The following CD1E variants were observed in gnomAD, a reference collection of about 807,000 sequenced individuals.
CD1E encodes T-cell surface glycoprotein CD1e, membrane-associated.
CD1E carries 49 observed loss-of-function variants against 40.1 expected under a neutral mutation model. The observed-to-expected ratio is 1.22, with a 90% CI of 0.97 to 1.55. CD1E has a LOEUF of 1.55. Ranked by LOEUF, CD1E falls within the 40% of genes most tolerant of loss-of-function variation. The probability of loss-of-function intolerance (pLI) is 0.00; values close to 1 mark genes in which losing one functional copy is unlikely to be tolerated. For missense variants in CD1E, 492 were observed against 471.3 expected (o/e 1.04, Z -0.41); for synonymous variants, 189 against 178.3 (o/e 1.06, Z -0.48).
At chr1:158,354,858 G>T (rs1043736411) in intron 2 of CD1E, among the ~76,000 whole-genome samples, 185 bp downstream of exon 2, 8 of 151,962 alleles carry the variant, frequency 5.3e-5, no homozygotes, top group African/African-American at 1.7e-4. Flanking sequence ...ACACAAAAGG[G>T]CCTGCATGTA....
chr1:158,354,382 C>T lies in CD1E; in HGVS notation c.64C>T (p.Gln22Ter), dbSNP rs1165946802. The change falls in exon 2 of 6, where the codon CAG (glutamine) becomes TAG (stop). Residue 22 changes from glutamine (Q) to a stop codon, truncating the protein, a stop_gained. Transcript: ENST00000368167. LOFTEE classifies it high-confidence loss of function. ...CCPGENTAAPQALQSYHLAAE... is the reference protein window; with the variant it reads ...CCPGENTAAP ...GTCATTTCCCTCTCTCTCAGCTCCC[C>T]AGGCTCTACAATCCTATCATCTAGC... 1.3e-6 allele frequency: 2 copies of T among 1,597,894 alleles called. No homozygotes were observed. The highest frequency in any genetic ancestry group is 1.7e-5 in the Admixed American group (1 of 58,198).
At chr1:158,354,328 T>G (rs555236146) in intron 1 of CD1E, 49 bp from the exon 2 acceptor site, 197 of 1,519,636 alleles carry the variant, frequency 1.3e-4, no homozygotes, top group Non-Finnish European at 1.7e-4. Flanking sequence ...TGGCATCACT[T>G]TTCCCATCCC....
At chr1:158,354,294 A>G in intron 1 of CD1E, 83 bp from the exon 2 acceptor site, 1 of 1,317,954 alleles carries the variant, frequency 7.6e-7, no homozygotes, top group Non-Finnish European at 1.0e-6. Flanking sequence ...ACTGTCTCTC[A>G]TCTCTGGGTT....
chr1:158,354,726 C>T (rs1653402477), intron 2 of CD1E, 53 bp downstream of exon 2: 1 of 1,492,974 alleles, frequency 6.7e-7, no homozygotes, highest in Admixed American at 1.8e-5. Flanking sequence ...AACTATTTTC[C>T]AAAGTGGAAG....
At chr1:158,354,842 C>T (rs1396358154) in intron 2 of CD1E, among the ~76,000 whole-genome samples, 169 bp downstream of exon 2, 2 of 152,164 alleles carry the variant, frequency 1.3e-5, no homozygotes, top group Non-Finnish European at 2.9e-5. Flanking sequence ...CCACACTCCA[C>T]CATATACACA....
In CD1E at chr1:158,356,785, C is replaced by T; in HGVS notation, c.1056C>T (p.Ala352=). The T allele has an allele frequency of 6.2e-7, 1 of 1,613,840 alleles. No individual in the cohort carries two copies. The highest frequency in any genetic ancestry group is 2.2e-5 in the East Asian group (1 of 44,858). The part of the protein sequence containing the change: ...HTPSPVFLMG[A]NTQDTKNSRH... ...CCAGCCCTGTCTTTCTCATGGGAGC[C>T]AACACTCAGGACACCAAGAATTCAA... Residue 352 remains alanine, a synonymous_variant, in exon 6 of 6, where the codon GCC becomes GCT. Transcript: ENST00000368167.
Position 158,356,028 on chromosome 1 carries a change from C to A in CD1E, c.827C>A (p.Ala276Glu). 6.2e-7 allele frequency: 1 copy of A among 1,614,056 alleles called. No individual in the cohort carries two copies. The highest frequency in any genetic ancestry group is 8.5e-7 in the Non-Finnish European group (1 of 1,180,002). The change falls in exon 4 of 6, where the codon GCG becomes GAG. Residue 276 changes from alanine (A) to glutamate (E), a missense_variant. Transcript: ENST00000368167. ...TATCTCCGAGCAACCCTGGATGTGG[C>A]GGCTGGGGAGGCAGCTGGCCTGTCC... is the stretch of plus-strand genomic sequence containing the variant. ...TWYLRATLDV[A>E]AGEAAGLSCR...
chr1:158,354,353 A>G (rs761286018), intron 1 of CD1E, 24 bp from the exon 2 acceptor site: 7 of 1,562,452 alleles, frequency 4.5e-6, no homozygotes, highest in Admixed American at 1.9e-5. Context: ...CATTCTCTCT[A>G]CTTGTCATTT....
At chr1:158,356,163 G>A in intron 4 of CD1E, 58 bp downstream of exon 4, 1 of 1,585,916 alleles carries the variant, frequency 6.3e-7, no homozygotes, top group Non-Finnish European at 8.6e-7. Flanking sequence ...GGGCTTTTGA[G>A]TGTGGGGCTG....
At chr1:158,356,634 T>C (rs778186522) in intron 5 of CD1E, 43 bp downstream of exon 5, 1 of 1,589,682 alleles carries the variant, frequency 6.3e-7, no homozygotes, top group Non-Finnish European at 8.6e-7. Context: ...CTGTAATCAA[T>C]TCATTCCTTT....
At chr1:158,356,442 C>G in intron 4 of CD1E, 56 bp from the exon 5 acceptor site, 1 of 1,368,388 alleles carries the variant, frequency 7.3e-7, no homozygotes, top group Non-Finnish European at 1.0e-6. Flanking sequence ...TGGGAAATCT[C>G]AGCTTGGTGG....
chr1:158,356,440 C>A, intron 4 of CD1E, 58 bp from the exon 5 acceptor site: 1 of 1,357,138 alleles, frequency 7.4e-7, no homozygotes, highest in Non-Finnish European at 1.0e-6. Flanking sequence ...AATGGGAAAT[C>A]TCAGCTTGGT....
At chr1:158,354,755 C>T (rs1178791837) in intron 2 of CD1E, 82 bp downstream of exon 2, 4 of 1,240,510 alleles carry the variant, frequency 3.2e-6, no homozygotes, top group Middle Eastern at 2.0e-4. Flanking sequence ...TAGACTCTGA[C>T]CATCATTTAA....
At chr1:158,354,267 T>C (rs1653329874) in intron 1 of CD1E, 110 bp from the exon 2 acceptor site, 1 of 1,070,784 alleles carries the variant, frequency 9.3e-7, no homozygotes, top group African/African-American at 1.6e-5. Context: ...GGTATTGGAG[T>C]ATGTACAAGC....
rs1240644064 is a variant in CD1E, at chr1:158,356,305, G to T, written c.905-193G>T. On this transcript the variant is annotated intron_variant, in intron 4 of 5. Coordinates refer to ENST00000368167, the MANE Select transcript of CD1E (RefSeq NM_030893.4). ...GAATTAGACATACTAACAGAAAAAG[G>T]AGGAGGAACTAGTGATTTAGTGGGA... 8 of 776,660 alleles carry T rather than the reference G, an allele frequency of 1.0e-5. No homozygotes were observed. The African/African-American group carries it at 1.2e-4, about 12-fold the overall frequency. The allele number at this position is 776,660 out of a possible 1,614,324, so 48.1% of individuals were successfully genotyped here. A position where few individuals can be genotyped will look rare whatever the true frequency, so the allele number is the denominator to read the frequency against.
chr1:158,355,068 A>G (rs1194066426), intron 2 of CD1E, among the ~76,000 whole-genome samples: 1 of 151,952 alleles, frequency 6.6e-6, no homozygotes, highest in African/African-American at 2.4e-5. Context: ...CCAATCTCCT[A>G]TCTTCCTGAT....
At position 158,354,376 on chromosome 1, in the gene CD1E, G is replaced by A. The variant is rs768488240; in HGVS notation, c.59-1G>A. 2.9e-5 allele frequency: 46 copies of A among 1,584,602 alleles called. No individual in the cohort carries two copies. The highest frequency in any genetic ancestry group is 3.6e-5 in the Non-Finnish European group (42 of 1,165,938). On this transcript the variant is annotated splice_acceptor_variant, in intron 1 of 5. Coordinates refer to ENST00000368167, the MANE Select transcript of CD1E (RefSeq NM_030893.4). LOFTEE classifies it high-confidence loss of function. ...CTACTTGTCATTTCCCTCTCTCTCAGCTCCCCAGGCTCTACAATCCTATCA... is the reference window on the plus strand; with the variant it reads ...CTACTTGTCATTTCCCTCTCTCTCAACTCCCCAGGCTCTACAATCCTATCA...
chr1:158,356,648 C>G, intron 5 of CD1E, 57 bp downstream of exon 5: 1 of 1,566,680 alleles, frequency 6.4e-7, no homozygotes, highest in Non-Finnish European at 8.7e-7. Context: ...TTCCTTTTTC[C>G]TCTATCTTCT....
chr1:158,357,072 A>C lies in CD1E; in HGVS notation c.*176A>C, dbSNP rs369261045. The C allele has an allele frequency of 1.0e-5, 6 of 573,378 alleles. No individual in the cohort carries two copies. In the Admixed American group the frequency reaches 1.2e-4, roughly 12 times the overall value. 35.5% of individuals were successfully genotyped at this position (573,378 alleles called of 1,614,324 possible). A position where few individuals can be genotyped will look rare whatever the true frequency, so the allele number is the denominator to read the frequency against. ...TTTTTTTTTCCTGCTTTGGCTACATATCCATCATTGTTTATTTTTGAAACT... is the reference window on the plus strand; with the variant it reads ...TTTTTTTTTCCTGCTTTGGCTACATCTCCATCATTGTTTATTTTTGAAACT... On this transcript the variant is annotated 3_prime_UTR_variant, in exon 6 of 6. Transcript: ENST00000368167.
Sources: gnomAD v4.1 joint callset for allele counts (sites outside exome capture counted in the v4.1 genomes callset) on GRCh38, gnomAD v4.1.1 for gene constraint, MANE v1.5 for transcripts, NCBI Gene and HGNC (gene_info 2026-07-23, HGNC 2026-07-21) for gene names.